Variants in TDRP observed in about 807,000 individuals in gnomAD.
The protein encoded by TDRP is testis development related protein.
TDRP carries 12 observed loss-of-function variants against 10.5 expected under a neutral mutation model. That is an observed-to-expected ratio of 1.15 (90% CI 0.73 to 1.86). The LOEUF (loss-of-function observed/expected upper bound fraction) is 1.86. Ranked by LOEUF, TDRP falls within the 40% of genes most tolerant of loss-of-function variation. The pLI is 0.00. For synonymous variants in TDRP, 139 were observed against 95.4 expected, an observed-to-expected ratio of 1.46 and a Z score of -2.67; for missense variants, 353 against 229.2, an observed-to-expected ratio of 1.54 and a Z score of -3.49.
chr8:527,141 C>G (rs990018940), intron 1 of TDRP, among the ~76,000 whole-genome samples: 1 of 151,752 alleles, frequency 6.6e-6, no homozygotes, highest in Admixed American at 6.6e-5. Flanking sequence ...ACACCAAAAG[C>G]AGACAATCTG....
chr8:521,117 C>A (rs1038806073), intron 1 of TDRP, among the ~76,000 whole-genome samples: 1 of 151,798 alleles, frequency 6.6e-6, no homozygotes, highest in African/African-American at 2.4e-5. Flanking sequence ...AAAGATCCAA[C>A]TTTGGCAGGG....
intron 1 of TDRP, among the ~76,000 whole-genome samples, chr8:514,467 C>A (rs1398308951): frequency 6.6e-6 from 1 of 152,204 alleles, no homozygotes; most frequent in African/African-American, 2.4e-5. Context: ...ACCCACACAA[C>A]CACAAAACTG....
chr8:491,551 G>T lies in TDRP; in HGVS notation c.*848C>A. The T allele has an allele frequency of 6.9e-7, 1 of 1,440,094 alleles. No homozygotes were observed. Among genetic ancestry groups the T allele is most frequent in the Non-Finnish European group, 9.2e-7 (1 of 1,085,976 alleles). 89.2% of individuals were successfully genotyped at this position (1,440,094 alleles called of 1,614,324 possible). A position where few individuals can be genotyped will look rare whatever the true frequency, so the allele number is the denominator to read the frequency against. The stretch of plus-strand genomic sequence containing the variant: ...TCGCTTTGCAAGAACAAACATATGA[G>T]CCTAATAAAAAAGAGGCACTTCAGT... On this transcript the variant is annotated 3_prime_UTR_variant, in exon 3 of 3. Transcript: ENST00000324079.
chr8:520,692 T>A (rs943978065), intron 1 of TDRP, among the ~76,000 whole-genome samples: 2 of 152,182 alleles, frequency 1.3e-5, no homozygotes, highest in African/African-American at 4.8e-5. Context: ...CCCTGATGAT[T>A]AGCAACGTTG....
intron 1 of TDRP, among the ~76,000 whole-genome samples, chr8:511,833 A>C (rs535302385): frequency 1.3e-5 from 2 of 152,324 alleles, no homozygotes; most frequent in East Asian, 3.9e-4. Flanking sequence ...TAAATTACCA[A>C]TGGGTCTAAG....
chr8:544,980 G>C (rs559466526), upstream of TDRP: 93 of 262,164 alleles, frequency 3.5e-4, no homozygotes, highest in African/African-American at 3.4e-3. Flanking sequence ...ACCATCCCCA[G>C]AACCAGGCCC....
At chr8:511,467 A>C (rs1801614961) in intron 1 of TDRP, among the ~76,000 whole-genome samples, 1 of 152,238 alleles carries the variant, frequency 6.6e-6, no homozygotes, top group Non-Finnish European at 1.5e-5. Context: ...ACAAAATACA[A>C]GAAACAAAAA....
intron 1 of TDRP, among the ~76,000 whole-genome samples, chr8:513,382 T>C (rs902794718): frequency 8.5e-5 from 13 of 152,160 alleles, no homozygotes; most frequent in Middle Eastern, 3.4e-3. Flanking sequence ...TCCATTAATA[T>C]AGCAAATGAA....
At chr8:512,075 A>C (rs1318198297) in intron 1 of TDRP, among the ~76,000 whole-genome samples, 1 of 152,194 alleles carries the variant, frequency 6.6e-6, no homozygotes, top group East Asian at 1.9e-4. Flanking sequence ...CAAATTAATC[A>C]ATAGAGAATA....
At chr8:520,365 G>T (rs569936878) in intron 1 of TDRP, among the ~76,000 whole-genome samples, 2 of 152,146 alleles carry the variant, frequency 1.3e-5, no homozygotes, top group Non-Finnish European at 2.9e-5. Context: ...CCACAGACAT[G>T]GAGGCTGCTT....
intron 1 of TDRP, among the ~76,000 whole-genome samples, chr8:509,854 A>C (rs147989300): frequency 6.6e-6 from 1 of 152,158 alleles, no homozygotes; most frequent in East Asian, 1.9e-4. Context: ...CCCTTTTAAC[A>C]TAAGTTCTGT....
intron 1 of TDRP, among the ~76,000 whole-genome samples, chr8:497,221 G>C (rs976694706): frequency 1.3e-5 from 2 of 152,212 alleles, no homozygotes; most frequent in African/African-American, 4.8e-5. Flanking sequence ...ACTTCCTAGA[G>C]ACTTGTTGAA....
intron 1 of TDRP, among the ~76,000 whole-genome samples, chr8:544,194 T>C (rs1340097667): frequency 6.6e-6 from 1 of 152,084 alleles, no homozygotes; most frequent in Non-Finnish European, 1.5e-5. Flanking sequence ...GAGGAGGCCG[T>C]CCGGATGCGC....
rs78612850 is a variant in TDRP, at chr8:507,610, C to T, written c.109-13013G>A. On this transcript the variant is annotated intron_variant, in intron 1 of 2. Coordinates refer to ENST00000324079, the MANE Select transcript of TDRP (RefSeq NM_001384899.1). ...TAAGAGGGGCCACACCCAACAGTGC[C>T]GTGCCCCACCAGAAGCCACATCAGG... Among the ~76,000 whole-genome samples the T allele has an allele frequency of 3.6e-3, 543 of 152,254 alleles. 16 individuals carry two copies. In the East Asian group the frequency reaches 0.079, roughly 22 times the overall value.
intron 1 of TDRP, among the ~76,000 whole-genome samples, chr8:524,991 C>G (rs1181906179): frequency 6.6e-6 from 1 of 152,086 alleles, no homozygotes; most frequent in African/African-American, 2.4e-5. Flanking sequence ...AGATTTAACC[C>G]AAACAAGACT....
intron 1 of TDRP, among the ~76,000 whole-genome samples, chr8:519,378 A>G (rs1455566919): frequency 6.6e-6 from 1 of 152,166 alleles, no homozygotes; most frequent in South Asian, 2.1e-4. Flanking sequence ...CATGACAGAG[A>G]GTCATGGGAA....
intron 1 of TDRP, among the ~76,000 whole-genome samples, chr8:505,974 G>A (rs1212191918): frequency 2.0e-5 from 3 of 152,152 alleles, no homozygotes; most frequent in African/African-American, 7.2e-5. Flanking sequence ...GGTAGTGGGA[G>A]CTATCTGGAA....
intron 1 of TDRP, among the ~76,000 whole-genome samples, chr8:518,209 T>C (rs1270919877): frequency 3.3e-5 from 5 of 152,140 alleles, no homozygotes; most frequent in African/African-American, 7.2e-5. Context: ...GTAGGGAAGG[T>C]AGGGAAGGTA....
chr8:535,694 C>A (rs1306839487), intron 1 of TDRP, among the ~76,000 whole-genome samples: 2 of 151,236 alleles, frequency 1.3e-5, no homozygotes, highest in Non-Finnish European at 2.9e-5. Flanking sequence ...GCAGGGCCTC[C>A]CACCATATGG....
Sources: allele counts gnomAD v4.1 joint callset (sites outside exome capture counted in the v4.1 genomes callset), GRCh38; gene constraint gnomAD v4.1.1; transcripts MANE v1.5; gene names NCBI Gene and HGNC (gene_info 2026-07-23, HGNC 2026-07-21).